Variants in ZNF708 observed in about 807,000 individuals in gnomAD.
The protein encoded by ZNF708 is ZNF15, ZNF15L1.
ZNF708 carries 44 observed loss-of-function variants against 47.0 expected under a neutral mutation model. The ratio of observed to expected loss-of-function variants is 0.94; its 90% CI spans 0.74 to 1.20. The LOEUF is 1.20. ZNF708 is among the 50% of genes most tolerant of loss of function. The probability of loss-of-function intolerance (pLI) is 0.00; values close to 1 mark genes in which losing one functional copy is unlikely to be tolerated. For missense variants in ZNF708, 557 were observed against 656.0 expected (o/e 0.85, Z 1.65); for synonymous variants, 184 against 218.5 (o/e 0.84, Z 1.39).
rs1599663804 is a variant in ZNF708, at chr19:21,292,867, T to G, written c.*407A>C. 1 of 191,006 alleles carries G rather than the reference T, an allele frequency of 5.2e-6. No individual in the cohort carries two copies. The highest frequency in any genetic ancestry group is 1.4e-4 in the East Asian group (1 of 6,938). 11.8% of individuals were successfully genotyped at this position (191,006 alleles called of 1,614,324 possible). The stretch of plus-strand genomic sequence containing the variant: ...AAAATTTTGCCACATTCTTCACACT[T>G]GTAAGAGTTTTTCTAGTAAGAATTA... On this transcript the variant is annotated 3_prime_UTR_variant, in exon 4 of 4. Transcript: ENST00000356929.
chr19:21,310,489 A>C lies in ZNF708; in HGVS notation c.130+12T>G, dbSNP rs1483373169. The C allele has an allele frequency of 3.8e-6, 5 of 1,316,104 alleles. No homozygotes were observed. The highest frequency in any genetic ancestry group is 3.0e-6 in the Non-Finnish European group (3 of 1,016,422). The allele number at this position is 1,316,104 out of a possible 1,614,324, so 81.5% of individuals were successfully genotyped here. ...AATAATAAAAATTAAAAAAAAAAAA[A>C]CTTATCCTCACCCAGGAATACCAGG... On this transcript the variant is annotated intron_variant, in intron 2 of 3. Coordinates refer to ENST00000356929, the MANE Select transcript of ZNF708 (RefSeq NM_021269.3).
At chr19:21,326,257 T>G (rs1973253744) in intron 1 of ZNF708, among the ~76,000 whole-genome samples, 1 of 152,222 alleles carries the variant, frequency 6.6e-6, no homozygotes, top group Non-Finnish European at 1.5e-5. Context: ...AAAATATACT[T>G]GCACACGCAT....
chr19:21,303,581 A>G (rs955293266), intron 3 of ZNF708, among the ~76,000 whole-genome samples: 5 of 151,810 alleles, frequency 3.3e-5, no homozygotes, highest in African/African-American at 1.2e-4. Flanking sequence ...AAATAAATGA[A>G]TAAATAAATA....
intron 1 of ZNF708, chr19:21,328,252 C>T (rs1394958658): frequency 6.6e-6 from 1 of 151,642 alleles, no homozygotes; most frequent in Admixed American, 6.6e-5. Context: ...GCTTTCTTCT[C>T]ATGAGAAATA....
chr19:21,318,924 G>A (rs1000044199), intron 1 of ZNF708, among the ~76,000 whole-genome samples: 1 of 152,056 alleles, frequency 6.6e-6, no homozygotes, highest in African/African-American at 2.4e-5. Flanking sequence ...CAATATGTAT[G>A]TCAGACACAT....
Position 21,329,229 on chromosome 19 carries a change from G to A in ZNF708, c.-17C>T. The A allele has an allele frequency of 6.2e-7, 1 of 1,611,422 alleles. No individual in the cohort carries two copies. The highest frequency in any genetic ancestry group is 8.5e-7 in the Non-Finnish European group (1 of 1,178,134). ...TCTCACCATTTCTAGGCTTCCAGAG[G>A]GTCCTGGAGTCTTAGCTGTGGATCT... On this transcript the variant is annotated 5_prime_UTR_variant, in exon 1 of 4. Transcript: ENST00000356929.
chr19:21,304,282 C>T (rs1479437956), intron 3 of ZNF708, among the ~76,000 whole-genome samples: 1 of 150,722 alleles, frequency 6.6e-6, no homozygotes, highest in Non-Finnish European at 1.5e-5. Flanking sequence ...TTTAACCAAC[C>T]AGCTCTCATT....
chr19:21,306,554 A>T lies in ZNF708; in HGVS notation c.226+2692T>A, dbSNP rs140964888. On this transcript the variant is annotated intron_variant, in intron 3 of 3. Transcript: ENST00000356929. ...CACACCCATTACAATGGCTACTGTAAATTTATGAAAAACACCAAATCTGTT... is the reference window on the plus strand; with the variant it reads ...CACACCCATTACAATGGCTACTGTATATTTATGAAAAACACCAAATCTGTT... 4.2e-4 allele frequency among the ~76,000 whole-genome samples: 64 copies of T among 152,332 alleles called. 1 individual carries two copies. Among genetic ancestry groups the T allele is most frequent in the Non-Finnish European group, 3.4e-4 (23 of 68,038 alleles).
At chr19:21,317,857 G>A (rs929451410) in intron 1 of ZNF708, among the ~76,000 whole-genome samples, 9 of 152,216 alleles carry the variant, frequency 5.9e-5, no homozygotes, top group Non-Finnish European at 1.3e-4. Context: ...ATGACAGGAG[G>A]TAGTTTTGCA....
chr19:21,308,886 A>T (rs1239293181), intron 3 of ZNF708, among the ~76,000 whole-genome samples: 1 of 152,228 alleles, frequency 6.6e-6, no homozygotes, highest in African/African-American at 2.4e-5. Flanking sequence ...CACATTTCAG[A>T]CATGATGCAA....
intron 1 of ZNF708, among the ~76,000 whole-genome samples, chr19:21,322,758 T>A (rs566208372): frequency 1.3e-3 from 201 of 152,328 alleles, no homozygotes; most frequent in African/African-American, 4.5e-3. Flanking sequence ...CGTATCTTTT[T>A]TCTGGCACCA....
At chr19:21,304,553 C>T (rs1450997950) in intron 3 of ZNF708, among the ~76,000 whole-genome samples, 2 of 152,106 alleles carry the variant, frequency 1.3e-5, no homozygotes, top group African/African-American at 4.8e-5. Flanking sequence ...CTTACTTGCT[C>T]CTAGTGTGTT....
rs938644922 is a variant in ZNF708, at chr19:21,329,311, A to C, written c.-99T>G. The C allele has an allele frequency of 1.8e-5, 28 of 1,556,640 alleles. No individual in the cohort carries two copies. Among genetic ancestry groups the C allele is most frequent in the Non-Finnish European group, 2.5e-5 (28 of 1,134,590 alleles). On this transcript the variant is annotated 5_prime_UTR_variant, in exon 1 of 4. Coordinates refer to ENST00000356929, the MANE Select transcript of ZNF708 (RefSeq NM_021269.3). ...TCTGGGCCTCTAGGAGCAGAGGACA[A>C]ACAGCAGTGAAGACGAGACCGGAGC...
chr19:21,327,469 T>C (rs1467083887), intron 1 of ZNF708, among the ~76,000 whole-genome samples: 1 of 150,258 alleles, frequency 6.7e-6, no homozygotes, highest in Non-Finnish European at 1.5e-5. Context: ...GAGGCGGAGG[T>C]TGCGGTGACC....
At chr19:21,301,808 G>C (rs534631046) in intron 3 of ZNF708, among the ~76,000 whole-genome samples, 1 of 149,498 alleles carries the variant, frequency 6.7e-6, no homozygotes, top group Non-Finnish European at 1.5e-5. Context: ...AAAAAGAAAA[G>C]AAAAACCTAA....
chr19:21,303,518 C>T (rs1261456526), intron 3 of ZNF708, among the ~76,000 whole-genome samples: 2 of 151,680 alleles, frequency 1.3e-5, no homozygotes, highest in East Asian at 3.9e-4. Context: ...CACGCTACAG[C>T]ACTCCAGCCT....
chr19:21,320,214 C>T (rs1447265798), intron 1 of ZNF708, among the ~76,000 whole-genome samples: 1 of 151,820 alleles, frequency 6.6e-6, no homozygotes, highest in African/African-American at 2.4e-5. Context: ...AACTACAGAA[C>T]TAAAAGCAGA....
chr19:21,299,409 T>C (rs535604033), intron 3 of ZNF708, among the ~76,000 whole-genome samples: 1 of 152,164 alleles, frequency 6.6e-6, no homozygotes, highest in African/African-American at 2.4e-5. Context: ...TTTTAGCATA[T>C]GTTGCATACC....
intron 1 of ZNF708, among the ~76,000 whole-genome samples, chr19:21,324,134 C>T (rs1487991936): frequency 6.6e-6 from 1 of 151,870 alleles, no homozygotes; most frequent in Admixed American, 6.6e-5. Flanking sequence ...GTCCCTGCTA[C>T]TGGGTAGGCT....
Sources: gnomAD v4.1 joint callset for allele counts (sites outside exome capture counted in the v4.1 genomes callset) on GRCh38, gnomAD v4.1.1 for gene constraint, MANE v1.5 for transcripts, NCBI Gene and HGNC (gene_info 2026-07-23, HGNC 2026-07-21) for gene names.